KCNN2: variants seen among roughly 807,000 people sequenced by gnomAD.
KCNN2 encodes the protein small conductance calcium-activated potassium channel protein 2.
A neutral mutation model predicts 55.5 loss-of-function variants in KCNN2; 24 were observed. The ratio of observed to expected loss-of-function variants is 0.43; its 90% CI spans 0.31 to 0.61. KCNN2 has a LOEUF of 0.61. Among genes scored for constraint, KCNN2 ranks in the 20% least tolerant of loss-of-function variants. KCNN2 has a pLI of 0.08. For missense variants in KCNN2, 754 were observed against 853.6 expected (o/e 0.88, Z 1.45); for synonymous variants, 431 against 336.1 (o/e 1.28, Z -3.09).
intron 3 of KCNN2, among the ~76,000 whole-genome samples, chr5:114,407,362 T>A (rs1360974224): frequency 6.6e-6 from 1 of 152,162 alleles, no homozygotes; most frequent in African/African-American, 2.4e-5. Context: ...CACTTTCTAT[T>A]GGGATTTTAC....
chr5:114,264,298 A>G (rs1056980695), intron 2 of KCNN2, among the ~76,000 whole-genome samples: 1 of 152,088 alleles, frequency 6.6e-6, no homozygotes, highest in Non-Finnish European at 1.5e-5. Context: ...CTACACTTTT[A>G]TTATCATCCT....
At chr5:114,421,041 T>A (rs1006170625) in intron 3 of KCNN2, among the ~76,000 whole-genome samples, 2 of 152,248 alleles carry the variant, frequency 1.3e-5, no homozygotes, top group Non-Finnish European at 2.9e-5. Context: ...ATTTCTTGAA[T>A]GCTGCAGATT....
At chr5:114,414,224 C>T (rs1192100116) in intron 3 of KCNN2, among the ~76,000 whole-genome samples, 1 of 152,052 alleles carries the variant, frequency 6.6e-6, no homozygotes, top group African/African-American at 2.4e-5. Flanking sequence ...TAAAAAAAGA[C>T]ATTTTATATC....
chr5:114,067,369 G>A (rs182783227), intron 1 of KCNN2, among the ~76,000 whole-genome samples: 2 of 152,308 alleles, frequency 1.3e-5, no homozygotes, highest in African/African-American at 4.8e-5. Flanking sequence ...AGTTGAAACT[G>A]ATGAAATGAA....
intron 2 of KCNN2, among the ~76,000 whole-genome samples, chr5:114,293,114 AT>A (rs1755931107): frequency 6.6e-6 from 1 of 152,150 alleles, no homozygotes; most frequent in Non-Finnish European, 1.5e-5. Flanking sequence ...GGTTTTCTAG[AT>A]ATACAATCAT....
intron 2 of KCNN2, among the ~76,000 whole-genome samples, chr5:114,370,510 G>A (rs1757730983): frequency 6.6e-6 from 1 of 151,950 alleles, no homozygotes; most frequent in African/African-American, 2.4e-5. Context: ...AGAGACAAAG[G>A]GCTGAGATAG....
At chr5:114,307,916 A>G (rs1310382306) in intron 2 of KCNN2, among the ~76,000 whole-genome samples, 1 of 151,920 alleles carries the variant, frequency 6.6e-6, no homozygotes, top group African/African-American at 2.4e-5. Context: ...CTTCCTATTC[A>G]GCTTGATTCC....
intron 1 of KCNN2, among the ~76,000 whole-genome samples, chr5:114,206,834 C>G (rs1024551995): frequency 6.6e-6 from 1 of 151,928 alleles, no homozygotes; most frequent in Non-Finnish European, 1.5e-5. Context: ...AAAGGTCTAG[C>G]CCCACTCTGT....
intron 3 of KCNN2, among the ~76,000 whole-genome samples, chr5:114,419,339 A>G (rs546749001): frequency 6.6e-6 from 1 of 152,366 alleles, no homozygotes; most frequent in African/African-American, 2.4e-5. Context: ...TAAAATATTT[A>G]TTACCTAGCC....
intron 2 of KCNN2, among the ~76,000 whole-genome samples, chr5:114,301,002 T>C (rs1367604696): frequency 6.6e-6 from 1 of 152,034 alleles, no homozygotes; most frequent in Middle Eastern, 3.2e-3. Flanking sequence ...TTTTTAGTAA[T>C]AACTTTTTTG....
intron 3 of KCNN2, among the ~76,000 whole-genome samples, chr5:114,425,558 G>C (rs1044419431): frequency 2.0e-5 from 3 of 152,066 alleles, no homozygotes; most frequent in South Asian, 4.1e-4. Context: ...AACCAGCCTT[G>C]GTTAAATCAA....
chr5:114,088,378 C>T (rs1252843342), intron 1 of KCNN2, among the ~76,000 whole-genome samples: 2 of 150,508 alleles, frequency 1.3e-5, no homozygotes, highest in South Asian at 2.1e-4. Flanking sequence ...GTTTATCCTG[C>T]TGTTTTTTTT....
rs1309590184 is a variant in KCNN2, at chr5:114,449,908, A to ACACACACACACG, written c.1638-13140_1638-13139insACACACACACGC. On this transcript the variant is annotated intron_variant, in intron 3 of 7. Coordinates refer to ENST00000673685, the MANE Select transcript of KCNN2 (RefSeq NM_021614.4). ...CACACACACACACACACACACACAC[A>ACACACACACACG]CGCGCGCGCTCGCGTGCGCGCACTC... Among the ~76,000 whole-genome samples, 322 of 66,150 alleles carry ACACACACACACG rather than the reference A, an allele frequency of 4.9e-3. 2 individuals carry two copies. The highest frequency in any genetic ancestry group is 0.011 in the African/African-American group (313 of 28,668). The allele number at this position is 66,150 out of a possible 152,430, so 43.4% of individuals were successfully genotyped here.
intron 1 of KCNN2, among the ~76,000 whole-genome samples, chr5:114,200,075 T>A (rs1407878772): frequency 1.3e-5 from 2 of 152,190 alleles, no homozygotes; most frequent in East Asian, 3.8e-4. Context: ...ACAGGGAATT[T>A]TCATTGATTA....
intron 2 of KCNN2, among the ~76,000 whole-genome samples, chr5:114,403,185 C>G (rs976652899): frequency 3.3e-5 from 5 of 152,164 alleles, no homozygotes; most frequent in Non-Finnish European, 7.4e-5. Context: ...TCAGCTGGGA[C>G]TTTGCCACAC....
At chr5:114,105,928 A>G (rs573687492) in intron 1 of KCNN2, among the ~76,000 whole-genome samples, 1 of 152,120 alleles carries the variant, frequency 6.6e-6, no homozygotes, top group East Asian at 1.9e-4. Flanking sequence ...TATTATTTCT[A>G]TAAAAAGTTC....
At chr5:114,298,467 C>G (rs1250415548) in intron 2 of KCNN2, among the ~76,000 whole-genome samples, 1 of 152,196 alleles carries the variant, frequency 6.6e-6, no homozygotes, top group East Asian at 1.9e-4. Context: ...TCCCAGCATA[C>G]CCTAAGTGAT....
At chr5:114,144,171 T>C (rs898431835) in intron 1 of KCNN2, among the ~76,000 whole-genome samples, 5 of 152,216 alleles carry the variant, frequency 3.3e-5, no homozygotes, top group African/African-American at 9.6e-5. Flanking sequence ...TGATTCCCAA[T>C]TGTGAACAGA....
chr5:114,329,231 A>G (rs1756763668), intron 2 of KCNN2, among the ~76,000 whole-genome samples: 1 of 152,222 alleles, frequency 6.6e-6, no homozygotes, highest in East Asian at 1.9e-4. Context: ...GTGATGGTTA[A>G]TATTGAGTGT....
Sources: gnomAD v4.1 joint callset for allele counts (sites outside exome capture counted in the v4.1 genomes callset) on GRCh38, gnomAD v4.1.1 for gene constraint, MANE v1.5 for transcripts, NCBI Gene and HGNC (gene_info 2026-07-23, HGNC 2026-07-21) for gene names.